The following PTPRG variants were observed in gnomAD, a reference collection of about 807,000 sequenced individuals.
PTPRG encodes the protein receptor-type tyrosine-protein phosphatase gamma.
In PTPRG, 102 loss-of-function variants were observed where a neutral mutation model predicts 165.3. The observed-to-expected ratio is 0.62, with a 90% CI of 0.53 to 0.73. The LOEUF (loss-of-function observed/expected upper bound fraction) is 0.73. PTPRG is among the 30% of genes least tolerant of loss of function. The probability of loss-of-function intolerance (pLI) is 0.00; values close to 1 mark genes in which losing one functional copy is unlikely to be tolerated. For missense variants in PTPRG, 1,866 were observed against 1,861.4 expected (o/e 1.00, Z -0.05); for synonymous variants, 675 against 669.5 (o/e 1.01, Z -0.13).
chr3:61,562,813 C>T (rs1699796819), intron 1 of PTPRG, among the ~76,000 whole-genome samples: 1 of 152,116 alleles, frequency 6.6e-6, no homozygotes, highest in South Asian at 2.1e-4. Context: ...TGAAGGAACT[C>T]AGAAGGTGGG....
At chr3:61,732,499 C>T (rs2032543722) in intron 1 of PTPRG, among the ~76,000 whole-genome samples, 1 of 151,388 alleles carries the variant, frequency 6.6e-6, no homozygotes, top group South Asian at 2.1e-4. Context: ...ATGGCATGAA[C>T]CCGGGAGGCG....
intron 1 of PTPRG, among the ~76,000 whole-genome samples, chr3:61,677,379 T>A (rs965500242): frequency 2.0e-5 from 3 of 152,224 alleles, no homozygotes; most frequent in Non-Finnish European, 4.4e-5. Context: ...TCTCTCTTAT[T>A]CTTCCCACTT....
At chr3:62,076,318 A>G (rs1701383922) in intron 4 of PTPRG, among the ~76,000 whole-genome samples, 1 of 152,052 alleles carries the variant, frequency 6.6e-6, no homozygotes, top group African/African-American at 2.4e-5. Flanking sequence ...TATGGTGATG[A>G]TGATGGTGAT....
chr3:61,631,775 T>G (rs1208071664), intron 1 of PTPRG, among the ~76,000 whole-genome samples: 1 of 152,176 alleles, frequency 6.6e-6, no homozygotes, highest in Non-Finnish European at 1.5e-5. Flanking sequence ...AAAGGGAAAT[T>G]GCAAGTACAT....
At chr3:61,757,761 T>C (rs1400463703) in intron 2 of PTPRG, among the ~76,000 whole-genome samples, 2 of 152,238 alleles carry the variant, frequency 1.3e-5, no homozygotes, top group Non-Finnish European at 2.9e-5. Context: ...TTTTTTCATA[T>C]CTGCGATGAA....
rs569625974 is a variant in PTPRG, at chr3:62,218,955, C to T, written c.2260C>T (p.Leu754Phe). Reference protein sequence around the residue: ...VSALTFVCLILLIAVLVYWRG... With the variant: ...VSALTFVCLIFLIAVLVYWRG... ...AGCCTTGACCTTCGTGTGCCTCATC[C>T]TTCTCATTGCTGTGCTCGTTTACTG... Residue 754 changes from leucine to phenylalanine, a missense_variant, in exon 13 of 30, where the codon CTT (leucine) becomes TTT (phenylalanine). Physicochemically the swap from Leu to Phe is conservative, Grantham distance 22 (BLOSUM62 0). Around this residue, in one of 3 missense-constraint regions of PTPRG, gnomAD observed 1,452 missense variants for 1,463.0 expected, o/e 0.99. Transcript: ENST00000474889. 8.1e-6 allele frequency: 13 copies of T among 1,614,100 alleles called. No homozygotes were observed. Among genetic ancestry groups the T allele is most frequent in the Middle Eastern group, 1.6e-4 (1 of 6,062 alleles).
intron 7 of PTPRG, among the ~76,000 whole-genome samples, chr3:62,162,871 G>A (rs1010446397): frequency 6.6e-6 from 1 of 152,122 alleles, no homozygotes; most frequent in Admixed American, 6.5e-5. Flanking sequence ...TTCACCTCTT[G>A]GTTCCCGTGC....
chr3:61,654,114 C>CTTA (rs1420576609), intron 1 of PTPRG, among the ~76,000 whole-genome samples: 1 of 152,034 alleles, frequency 6.6e-6, no homozygotes, highest in Non-Finnish European at 1.5e-5. Context: ...ACTCTTGTGC[C>CTTA]TTATAGTGTT....
intron 1 of PTPRG, among the ~76,000 whole-genome samples, chr3:61,638,750 C>CT (rs1471561011): frequency 6.6e-6 from 1 of 151,748 alleles, no homozygotes; most frequent in African/African-American, 2.4e-5. Context: ...GCCATGCCTA[C>CT]TTTTTAATAA....
chr3:61,944,014 A>G (rs776583934), intron 2 of PTPRG, among the ~76,000 whole-genome samples: 38 of 152,184 alleles, frequency 2.5e-4, no homozygotes, highest in Non-Finnish European at 5.0e-4. Flanking sequence ...CAGGTGCTAT[A>G]TGCCTTGGTT....
At chr3:61,858,141 A>T (rs138375633) in intron 2 of PTPRG, among the ~76,000 whole-genome samples, 14 of 152,222 alleles carry the variant, frequency 9.2e-5, no homozygotes, top group African/African-American at 2.9e-4. Context: ...GTGACAGAAA[A>T]GCATGAAGGA....
At chr3:62,148,546 G>A (rs1217866058) in intron 6 of PTPRG, among the ~76,000 whole-genome samples, 1 of 152,092 alleles carries the variant, frequency 6.6e-6, no homozygotes, top group Non-Finnish European at 1.5e-5. Flanking sequence ...GATTGCCTGA[G>A]GTGACTCAGG....
In PTPRG at chr3:61,805,654, A is replaced by G. The variant is rs573750610; in HGVS notation, c.190+56672A>G. On this transcript the variant is annotated intron_variant, in intron 2 of 29. Transcript: ENST00000474889. ...CACAACCCAGAAGGTCATGGAGTCT[A>G]AGTTAAAGGGCGTCACTGATTCAGC... 3.9e-5 allele frequency among the ~76,000 whole-genome samples: 6 copies of G among 152,192 alleles called. 1 individual carries two copies. Among genetic ancestry groups the G allele is most frequent in the Middle Eastern group, 6.9e-3 (2 of 290 alleles).
At chr3:61,776,472 C>T (rs537710643) in intron 2 of PTPRG, among the ~76,000 whole-genome samples, 1 of 152,090 alleles carries the variant, frequency 6.6e-6, no homozygotes, top group Non-Finnish European at 1.5e-5. Context: ...GGTAAGAACC[C>T]GTTTGTGTCT....
chr3:62,140,268 C>T (rs1018792461), intron 6 of PTPRG, among the ~76,000 whole-genome samples: 1 of 152,176 alleles, frequency 6.6e-6, no homozygotes, highest in African/African-American at 2.4e-5. Flanking sequence ...CCAGAAATAC[C>T]ACACTTAAGT....
chr3:61,726,068 A>G (rs925738892), intron 1 of PTPRG, among the ~76,000 whole-genome samples: 12 of 152,340 alleles, frequency 7.9e-5, no homozygotes, highest in African/African-American at 2.9e-4. Context: ...GATGAGTGGT[A>G]GAGAACAGGC....
chr3:61,811,763 G>A (rs1398003624), intron 2 of PTPRG, among the ~76,000 whole-genome samples: 3 of 152,140 alleles, frequency 2.0e-5, no homozygotes, highest in African/African-American at 7.2e-5. Context: ...TAGTACCATG[G>A]ACCTTTTCCA....
At chr3:61,976,982 G>C (rs560499709) in intron 2 of PTPRG, among the ~76,000 whole-genome samples, 2 of 151,730 alleles carry the variant, frequency 1.3e-5, no homozygotes, top group African/African-American at 4.8e-5. Flanking sequence ...AGCTTATAGG[G>C]GTCTTTTTCT....
chr3:62,088,350 C>T (rs572587710), intron 5 of PTPRG, among the ~76,000 whole-genome samples: 163 of 152,280 alleles, frequency 1.1e-3, no homozygotes, highest in South Asian at 2.5e-3. Context: ...ATCAGAATAT[C>T]TTCATCTCGG....
Sources: gnomAD v4.1 joint callset for allele counts (sites outside exome capture counted in the v4.1 genomes callset) on GRCh38, gnomAD v4.1.1 for gene constraint, gnomAD v4.1.1 regional missense constraint, MANE v1.5 for transcripts, NCBI Gene and HGNC (gene_info 2026-07-23, HGNC 2026-07-21) for gene names.